Variants in FBXO32 observed in about 807,000 individuals in gnomAD.
FBXO32 encodes F-box only protein 32.
A neutral mutation model predicts 48.3 loss-of-function variants in FBXO32; 15 were observed. That is an observed-to-expected ratio of 0.31 (90% CI 0.21 to 0.48). FBXO32 has a LOEUF of 0.48. FBXO32 is among the 20% of genes least tolerant of loss of function. FBXO32 has a pLI of 0.99. For synonymous variants in FBXO32, 154 were observed against 165.9 expected, an observed-to-expected ratio of 0.93 and a Z score of 0.55; for missense variants, 309 against 432.7, an observed-to-expected ratio of 0.71 and a Z score of 2.54.
At chr8:123,529,976 G>T (rs770882518) in intron 4 of FBXO32, among the ~76,000 whole-genome samples, 4 of 152,146 alleles carry the variant, frequency 2.6e-5, no homozygotes, top group Non-Finnish European at 5.9e-5. Context: ...TGGATTCTTA[G>T]CAATGGAAGT....
intron 1 of FBXO32, among the ~76,000 whole-genome samples, chr8:123,536,197 T>TGC (rs967988769): frequency 5.3e-5 from 8 of 152,334 alleles, no homozygotes; most frequent in African/African-American, 1.9e-4. Context: ...CATAAGGCCG[T>TGC]GCTTAATACC....
At chr8:123,507,606 C>T (rs1816656448) in intron 6 of FBXO32, among the ~76,000 whole-genome samples, 1 of 152,118 alleles carries the variant, frequency 6.6e-6, no homozygotes, top group Non-Finnish European at 1.5e-5. Context: ...TGGATGATAC[C>T]TTGGCAATTA....
chr8:123,520,430 A>G (rs759989854), intron 4 of FBXO32, among the ~76,000 whole-genome samples: 27 of 152,280 alleles, frequency 1.8e-4, no homozygotes, highest in Non-Finnish European at 3.8e-4. Flanking sequence ...CGAGCCGTGC[A>G]GTACCAGGAA....
Position 123,540,957 on chromosome 8 carries a change from C to G in FBXO32, c.58G>C (p.Asp20His). Residue 20 changes from aspartate (D) to histidine (H), a missense_variant, in exon 1 of 9, where the codon GAC becomes CAC. Physicochemically the swap from Asp to His is moderately conservative, Grantham distance 81. Coordinates refer to ENST00000517956, the MANE Select transcript of FBXO32 (RefSeq NM_058229.4). The surrounding 1 kb of genome is among the most constrained non-coding windows in gnomAD (Gnocchi z 6.4). ...SPGQNWVKTA[D>H]GWKRFLDEKS... ...TCATCCAGGAAGCGCTTCCAGCCGTCGGCCGTCTTCACCCAGTTCTGCCCG... is the reference window on the plus strand; with the variant it reads ...TCATCCAGGAAGCGCTTCCAGCCGTGGGCCGTCTTCACCCAGTTCTGCCCG... 1 of 1,613,484 alleles carries G rather than the reference C, an allele frequency of 6.2e-7. No individual in the cohort carries two copies. The highest frequency in any genetic ancestry group is 8.5e-7 in the Non-Finnish European group (1 of 1,179,770).
At position 123,513,431 on chromosome 8, in the gene FBXO32, C is replaced by G; in HGVS notation, c.467-49G>C. 1 of 1,463,248 alleles carries G rather than the reference C, an allele frequency of 6.8e-7. No individual in the cohort carries two copies. The highest frequency in any genetic ancestry group is 2.4e-5 in the East Asian group (1 of 42,372). The allele number at this position is 1,463,248 out of a possible 1,614,324, so 90.6% of individuals were successfully genotyped here. On this transcript the variant is annotated intron_variant, in intron 5 of 8. Transcript: ENST00000517956. This position sits in a 1 kb window ranked among gnomAD's most constrained non-coding sequence, Gnocchi z 4.3. ...ATTAAAGTTATGATACTGGAACACC[C>G]TGTATTTTACACATGAGCTTGTCTC... is the stretch of plus-strand genomic sequence containing the variant.
chr8:123,541,120 G>A lies in FBXO32; in HGVS notation c.-106C>T, dbSNP rs1183553310. 3.6e-6 allele frequency: 2 copies of A among 557,130 alleles called. No individual in the cohort carries two copies. Among genetic ancestry groups the A allele is most frequent in the African/African-American group, 4.0e-5 (2 of 50,348 alleles). 34.5% of individuals were successfully genotyped at this position (557,130 alleles called of 1,614,324 possible). A position where few individuals can be genotyped will look rare whatever the true frequency, so the allele number is the denominator to read the frequency against. ...CGGGGTGCAGGGGCCCGCGACGGGG[G>A]CGGCGGGGCGGCGGGAACGGCGCGG... On this transcript the variant is annotated 5_prime_UTR_variant, in exon 1 of 9. Transcript: ENST00000517956.
chr8:123,528,831 T>C (rs533500999), intron 4 of FBXO32, among the ~76,000 whole-genome samples: 32 of 152,116 alleles, frequency 2.1e-4, no homozygotes, highest in African/African-American at 6.7e-4. Context: ...GCTTTGAATG[T>C]TTTTTTTGTT....
chr8:123,510,972 G>T (rs1816723333), intron 6 of FBXO32, among the ~76,000 whole-genome samples: 3 of 152,252 alleles, frequency 2.0e-5, no homozygotes, highest in African/African-American at 7.2e-5. Context: ...CTGAGGCAGG[G>T]CCAAGCTTGG....
chr8:123,503,227 T>A lies in FBXO32; in HGVS notation c.*146A>T. On this transcript the variant is annotated 3_prime_UTR_variant, in exon 9 of 9. Transcript: ENST00000517956. ...CCAGTCAGCAACTGCATTTCTCCCC[T>A]CCAATGTCCTCTCCATGACTTATCT... The A allele has an allele frequency of 1.8e-6, 1 of 549,874 alleles. No individual in the cohort carries two copies. The highest frequency in any genetic ancestry group is 3.1e-6 in the Non-Finnish European group (1 of 319,522). The allele number at this position is 549,874 out of a possible 1,614,324, so 34.1% of individuals were successfully genotyped here.
Position 123,525,372 on chromosome 8 carries a change from G to A in FBXO32, c.372+6526C>T, listed in dbSNP as rs2130541638. Reference sequence around the variant, plus strand: ...CACATACGGGTCAGTTTACTCCAGTGAGAAAATTGGTACTCAAGTTCTCCG... The same window carrying A: ...CACATACGGGTCAGTTTACTCCAGTAAGAAAATTGGTACTCAAGTTCTCCG... On this transcript the variant is annotated intron_variant, in intron 4 of 8. Coordinates refer to ENST00000517956, the MANE Select transcript of FBXO32 (RefSeq NM_058229.4). The surrounding 1 kb of genome is among the most constrained non-coding windows in gnomAD (Gnocchi z 4.3). Among the ~76,000 whole-genome samples, 1 of 152,296 alleles carries A rather than the reference G, an allele frequency of 6.6e-6. No homozygotes were observed. The highest frequency in any genetic ancestry group is 1.5e-5 in the Non-Finnish European group (1 of 68,016).
intron 1 of FBXO32, among the ~76,000 whole-genome samples, chr8:123,539,664 T>C (rs1269644891): frequency 6.6e-6 from 1 of 152,174 alleles, no homozygotes; most frequent in Admixed American, 6.5e-5. Context: ...CACAAACAAA[T>C]GGGAGGCACG....
chr8:123,514,176 T>C lies in FBXO32; in HGVS notation c.466+64A>G. ...AAGTCTAATGACACGTCCACTTCAT[T>C]GGAAAATCCATCTGCCCACCTCCAT... On this transcript the variant is annotated intron_variant, in intron 5 of 8. Transcript: ENST00000517956. The C allele has an allele frequency of 3.3e-6, 4 of 1,217,110 alleles. No individual in the cohort carries two copies. In the South Asian group the frequency reaches 4.2e-5, roughly 13 times the overall value. The allele number at this position is 1,217,110 out of a possible 1,614,324, so 75.4% of individuals were successfully genotyped here. A position where few individuals can be genotyped will look rare whatever the true frequency, so the allele number is the denominator to read the frequency against.
intron 7 of FBXO32, 56 bp from the exon 8 acceptor site, chr8:123,504,803 T>G: frequency 6.4e-7 from 1 of 1,571,512 alleles, no homozygotes; most frequent in South Asian, 1.2e-5. Flanking sequence ...GAAGATGGCT[T>G]GTGGTTTTCC....
At chr8:123,512,325 C>T (rs1335359381) in intron 6 of FBXO32, among the ~76,000 whole-genome samples, 3 of 152,124 alleles carry the variant, frequency 2.0e-5, no homozygotes, top group Admixed American at 6.5e-5. Context: ...TCTAGTAAAA[C>T]AGTTATTTAA....
At chr8:123,533,297 G>C in intron 2 of FBXO32, 57 bp from the exon 3 acceptor site, 1 of 1,357,604 alleles carries the variant, frequency 7.4e-7, no homozygotes, top group Non-Finnish European at 1.0e-6. Context: ...CAAGATTTAA[G>C]ACATTTCATT....
intron 4 of FBXO32, among the ~76,000 whole-genome samples, chr8:123,528,010 T>C (rs967952929): frequency 1.3e-5 from 2 of 152,240 alleles, no homozygotes; most frequent in East Asian, 1.9e-4. Flanking sequence ...CTCATTAATA[T>C]GCAAAACATA....
intron 6 of FBXO32, among the ~76,000 whole-genome samples, chr8:123,508,036 C>T (rs887614262): frequency 9.2e-5 from 14 of 152,186 alleles, no homozygotes; most frequent in Non-Finnish European, 1.6e-4. Flanking sequence ...CCTGGGACTG[C>T]GGTTCCTTGT....
intron 4 of FBXO32, among the ~76,000 whole-genome samples, chr8:123,517,329 G>T (rs1251237836): frequency 6.6e-6 from 1 of 152,212 alleles, no homozygotes; most frequent in Non-Finnish European, 1.5e-5. Context: ...CTATGACTGT[G>T]CACTGGAGGA....
chr8:123,519,550 CA>C (rs778974048), intron 4 of FBXO32, among the ~76,000 whole-genome samples: 171 of 72,262 alleles, frequency 2.4e-3, no homozygotes, highest in African/African-American at 5.5e-3. Context: ...GACTCCATCT[CA>C]AAAAAAAAAA....
Sources: allele counts gnomAD v4.1 joint callset (sites outside exome capture counted in the v4.1 genomes callset), GRCh38; gene constraint gnomAD v4.1.1; non-coding constraint Gnocchi (gnomAD v3.1); transcripts MANE v1.5; gene names NCBI Gene and HGNC (gene_info 2026-07-23, HGNC 2026-07-21).